The following SLC67A1 variants were observed in gnomAD, a reference collection of about 807,000 sequenced individuals.
SLC67A1 encodes solute carrier family 67 member 1.
the SLC67A1 span, chr11:2,903,488 C>G: frequency 1.2e-6 from 2 of 1,613,200 alleles, no homozygotes; most frequent in Non-Finnish European, 1.7e-6. Context: ...TCCATCGTGC[C>G]AGTGAGTAAC....
chr11:2,922,023 C>T, the SLC67A1 span: 4 of 1,106,458 alleles, frequency 3.6e-6, no homozygotes, highest in East Asian at 2.4e-5. Context: ...AGGTCCCCAG[C>T]TTTGGGGGCT....
the SLC67A1 span, chr11:2,925,166 C>T: frequency 6.2e-7 from 1 of 1,613,680 alleles, no homozygotes; most frequent in Non-Finnish European, 8.5e-7. This position sits in a 1 kb window ranked among gnomAD's most constrained non-coding sequence, Gnocchi z 6.5. Flanking sequence ...TGGAGGAAAC[C>T]TATGCCCCAG....
the SLC67A1 span, chr11:2,918,083 A>G: frequency 8.7e-6 from 14 of 1,613,374 alleles, no homozygotes; most frequent in Non-Finnish European, 1.2e-5. Context: ...GGTGGCCTCC[A>G]ACTGCCCCAC....
At chr11:2,921,925 G>A in the SLC67A1 span, 31 of 640,990 alleles carry the variant, frequency 4.8e-5, no homozygotes, top group Non-Finnish European at 8.5e-5. Flanking sequence ...CGCAGTCACT[G>A]CTGGCGGAGT....
chr11:2,919,972 G>A, the SLC67A1 span: 1 of 152,498 alleles, frequency 6.6e-6, no homozygotes, highest in Non-Finnish European at 1.5e-5. Context: ...TCCCGGGCCG[G>A]GGCGAGACAC....
the SLC67A1 span, chr11:2,919,764 C>T: frequency 1.5e-5 from 4 of 269,284 alleles, no homozygotes; most frequent in South Asian, 1.2e-4. Context: ...GATGACCTAA[C>T]GTGGCAAAGT....
chr11:2,914,946 C>T, the SLC67A1 span: 1 of 985,434 alleles, frequency 1.0e-6, no homozygotes, highest in Non-Finnish European at 1.2e-6. Flanking sequence ...CCCAGCCGTT[C>T]CCCTTCCCTG....
the SLC67A1 span, among the ~76,000 whole-genome samples, chr11:2,911,036 G>A: frequency 8.5e-5 from 13 of 152,138 alleles, no homozygotes; most frequent in Non-Finnish European, 1.8e-4. Context: ...AAGGGCCACT[G>A]GATTTGTGGG....
the SLC67A1 span, chr11:2,919,190 C>T: frequency 1.4e-6 from 1 of 722,980 alleles, no homozygotes; most frequent in Non-Finnish European, 2.5e-6. Flanking sequence ...CCTCCCTGAA[C>T]CAGTCACCAG....
the SLC67A1 span, chr11:2,916,917 T>G: frequency 1.7e-6 from 1 of 602,498 alleles, no homozygotes; most frequent in Non-Finnish European, 3.0e-6. Flanking sequence ...CCAAGTGAGG[T>G]GTGGTCATGA....
At chr11:2,921,885 G>A in the SLC67A1 span, 300,429 of 571,630 alleles carry the variant, frequency 0.53, 81,916 homozygotes, top group South Asian at 0.55. Flanking sequence ...GAGGAGCCCC[G>A]ACTCCTCAGG....
the SLC67A1 span, chr11:2,909,165 G>T: frequency 1.4e-6 from 2 of 1,465,932 alleles, no homozygotes; most frequent in Admixed American, 2.3e-5. Context: ...GACCGCCTCC[G>T]TGAGGGTCCG....
the SLC67A1 span, among the ~76,000 whole-genome samples, chr11:2,906,111 A>G: frequency 6.6e-6 from 1 of 152,256 alleles, no homozygotes; most frequent in African/African-American, 2.4e-5. Context: ...CAACAGACAC[A>G]TGAGAAAATG....
the SLC67A1 span, chr11:2,919,015 C>T: frequency 2.4e-6 from 1 of 411,536 alleles, no homozygotes; most frequent in Non-Finnish European, 4.5e-6. Flanking sequence ...CGTGGTGGGT[C>T]TTGGGGGCCA....
chr11:2,915,875 A>C, the SLC67A1 span, among the ~76,000 whole-genome samples: 5 of 152,328 alleles, frequency 3.3e-5, no homozygotes. Flanking sequence ...CTCCGTCCCC[A>C]GGAGACAAGA....
the SLC67A1 span, chr11:2,916,958 GAGGCCCAGAGAGGCAGGA>G: frequency 5.9e-5 from 34 of 579,210 alleles, no homozygotes; most frequent in East Asian, 6.0e-4. Flanking sequence ...GGCAGGCAGG[GAGGCCCAGAGAGGCAGGA>G]AGGCCCAGAC....
chr11:2,916,527 A>G, the SLC67A1 span: 3 of 888,530 alleles, frequency 3.4e-6, no homozygotes, highest in Non-Finnish European at 3.6e-6. Flanking sequence ...GATTTAAGCT[A>G]TTTTAGTGCA....
At chr11:2,910,139 G>A in the SLC67A1 span, among the ~76,000 whole-genome samples, 1 of 152,186 alleles carries the variant, frequency 6.6e-6, no homozygotes, top group African/African-American at 2.4e-5. Context: ...CTGTGCTGCC[G>A]GCCTTGTTTG....
chr11:2,902,354 T>G, the SLC67A1 span: 1 of 154,230 alleles, frequency 6.5e-6, no homozygotes, highest in African/African-American at 2.4e-5. Context: ...AGCCCGCCCC[T>G]GCAAAGGCAG....
Sources: gnomAD v4.1 joint callset for allele counts (sites outside exome capture counted in the v4.1 genomes callset) on GRCh38, gnomAD v4.1.1 for gene constraint, Gnocchi (gnomAD v3.1) non-coding constraint, MANE v1.5 for transcripts, NCBI Gene and HGNC (gene_info 2026-07-23, HGNC 2026-07-21) for gene names.